Variants in PDE10A observed in about 807,000 individuals in gnomAD.
The protein encoded by PDE10A is cAMP and cAMP-inhibited cGMP 3',5'-cyclic phosphodiesterase 10A.
PDE10A carries 39 observed loss-of-function variants against 97.7 expected under a neutral mutation model. That is an observed-to-expected ratio of 0.40 (90% CI 0.31 to 0.52). The LOEUF is 0.52. Ranked by LOEUF, PDE10A falls within the 20% of genes least tolerant of loss-of-function variation. The probability of loss-of-function intolerance (pLI) is 0.56; values close to 1 mark genes in which losing one functional copy is unlikely to be tolerated. For missense variants in PDE10A, 731 were observed against 1,047.8 expected (o/e 0.70, Z 4.17); for synonymous variants, 371 against 376.8 (o/e 0.98, Z 0.18).
chr6:165,792,971 G>A (rs959117804), intron 1 of PDE10A, among the ~76,000 whole-genome samples: 1 of 152,154 alleles, frequency 6.6e-6, no homozygotes, highest in Non-Finnish European at 1.5e-5. Context: ...CTGGGGTGGG[G>A]GGTGGCTGTT....
chr6:165,621,034 A>AG (rs34205329), intron 1 of PDE10A, among the ~76,000 whole-genome samples: 4 of 150,772 alleles, frequency 2.7e-5, no homozygotes, highest in Non-Finnish European at 4.4e-5. Flanking sequence ...AAAAAAAAAA[A>AG]GGAAGAAAGA....
chr6:165,332,953 A>G lies in PDE10A; in HGVS notation c.*72T>C. On this transcript the variant is annotated 3_prime_UTR_variant, in exon 22 of 22. Transcript: ENST00000539869. ...TGCAGGTTCCCCCCACCCCCCCCAAAAAAAGGAAAAGAATGTCAAAGAAGC... is the reference window on the plus strand; with the variant it reads ...TGCAGGTTCCCCCCACCCCCCCCAAGAAAAGGAAAAGAATGTCAAAGAAGC... 1.4e-6 allele frequency: 1 copy of G among 713,064 alleles called. No homozygotes were observed. Among genetic ancestry groups the G allele is most frequent in the Non-Finnish European group, 2.4e-6 (1 of 418,308 alleles). The allele number at this position is 713,064 out of a possible 1,614,324, so 44.2% of individuals were successfully genotyped here.
chr6:165,488,277 A>C (rs1159602740), intron 2 of PDE10A, among the ~76,000 whole-genome samples: 1 of 152,182 alleles, frequency 6.6e-6, no homozygotes. Context: ...TTAGAGAAAG[A>C]TAAAGCATCT....
At chr6:165,901,492 C>T (rs577190404) in intron 1 of PDE10A, among the ~76,000 whole-genome samples, 1 of 152,326 alleles carries the variant, frequency 6.6e-6, no homozygotes, top group South Asian at 2.1e-4. Flanking sequence ...CATCTGGCTG[C>T]TCAGCCCTTA....
Position 165,619,644 on chromosome 6 carries a change from ATAGTC to A in PDE10A, c.865+42298_865+42302del, listed in dbSNP as rs1181316970. ...GTACTGTAGTATAGTGTAGTGTAGT[ATAGTC>A]TAGTGTAGTATAGTCTAGTGTAGTG... On this transcript the variant is annotated intron_variant, in intron 1 of 21. Transcript: ENST00000539869. 3.0e-4 allele frequency among the ~76,000 whole-genome samples: 28 copies of A among 94,654 alleles called. 1 individual carries two copies. Among genetic ancestry groups the A allele is most frequent in the African/African-American group, 1.5e-3 (28 of 19,250 alleles). The allele number at this position is 94,654 out of a possible 152,430, so 62.1% of individuals were successfully genotyped here.
At chr6:165,751,822 T>G (rs576605866) in intron 1 of PDE10A, among the ~76,000 whole-genome samples, 1 of 152,090 alleles carries the variant, frequency 6.6e-6, no homozygotes, top group Non-Finnish European at 1.5e-5. Context: ...CATGCACCTG[T>G]CCCTTAATTT....
At chr6:165,421,800 C>G (rs541945513) in intron 10 of PDE10A, among the ~76,000 whole-genome samples, 1 of 152,158 alleles carries the variant, frequency 6.6e-6, no homozygotes, top group African/African-American at 2.4e-5. Context: ...CAGGGGCTCA[C>G]GCTGTACTTC....
At chr6:165,725,425 A>G (rs1792268470) in intron 1 of PDE10A, among the ~76,000 whole-genome samples, 1 of 152,178 alleles carries the variant, frequency 6.6e-6, no homozygotes, top group African/African-American at 2.4e-5. Context: ...GCCCCCCACA[A>G]GCTGCCCGTC....
intron 1 of PDE10A, among the ~76,000 whole-genome samples, chr6:165,724,103 AC>A (rs1312466925): frequency 2.0e-5 from 3 of 152,122 alleles, no homozygotes; most frequent in African/African-American, 7.2e-5. Context: ...CATATAAATT[AC>A]CCCATTTGTG....
intron 1 of PDE10A, among the ~76,000 whole-genome samples, chr6:165,629,246 C>T (rs141478866): frequency 3.3e-5 from 5 of 152,284 alleles, no homozygotes; most frequent in South Asian, 4.1e-4. Flanking sequence ...ACACTCATTA[C>T]GCTTTCTTTG....
chr6:165,580,716 T>C (rs1391930310), intron 1 of PDE10A, among the ~76,000 whole-genome samples: 3 of 152,168 alleles, frequency 2.0e-5, no homozygotes, highest in Non-Finnish European at 4.4e-5. Context: ...AGAAAGAAGA[T>C]GGTAAGTGTC....
intron 18 of PDE10A, among the ~76,000 whole-genome samples, chr6:165,344,264 G>T (rs1341823602): frequency 6.6e-6 from 1 of 152,104 alleles, no homozygotes; most frequent in Non-Finnish European, 1.5e-5. Flanking sequence ...AATAGATTTG[G>T]TCTTGTGATA....
At chr6:165,403,255 T>C (rs1786816767) in intron 13 of PDE10A, among the ~76,000 whole-genome samples, 1 of 152,192 alleles carries the variant, frequency 6.6e-6, no homozygotes, top group South Asian at 2.1e-4. Flanking sequence ...TTGTTTGATT[T>C]TGGTGATAAT....
chr6:165,570,435 A>T (rs1027582929), intron 1 of PDE10A, among the ~76,000 whole-genome samples: 2 of 152,338 alleles, frequency 1.3e-5, no homozygotes, highest in African/African-American at 4.8e-5. Flanking sequence ...TACCAGGCCG[A>T]CAGTGATATT....
intron 1 of PDE10A, among the ~76,000 whole-genome samples, chr6:165,951,838 C>A (rs1783972828): frequency 6.6e-6 from 1 of 152,218 alleles, no homozygotes; most frequent in South Asian, 2.1e-4. Flanking sequence ...TCCATTTATT[C>A]ATTCAACAAG....
chr6:165,529,730 T>C (rs1462135750), intron 2 of PDE10A, among the ~76,000 whole-genome samples: 1 of 152,198 alleles, frequency 6.6e-6, no homozygotes, highest in Non-Finnish European at 1.5e-5. Flanking sequence ...TATGGAATAG[T>C]ATTTGGGTTG....
chr6:165,928,412 C>T (rs1213261486), intron 1 of PDE10A, among the ~76,000 whole-genome samples: 3 of 152,196 alleles, frequency 2.0e-5, no homozygotes, highest in Admixed American at 1.3e-4. Context: ...CTGCTGGACC[C>T]ACTCCAGGAT....
intron 11 of PDE10A, among the ~76,000 whole-genome samples, chr6:165,417,776 C>A (rs1159019402): frequency 2.0e-5 from 3 of 152,150 alleles, no homozygotes; most frequent in African/African-American, 7.2e-5. Context: ...GTGAGGCACA[C>A]CTTGAGTTTC....
chr6:165,385,736 A>G (rs1292418077), intron 17 of PDE10A, among the ~76,000 whole-genome samples: 1 of 152,184 alleles, frequency 6.6e-6, no homozygotes, highest in East Asian at 1.9e-4. Context: ...GAAGAGGAAG[A>G]CACTCTTCCC....
Sources: allele counts gnomAD v4.1 joint callset (sites outside exome capture counted in the v4.1 genomes callset), GRCh38; gene constraint gnomAD v4.1.1; transcripts MANE v1.5; gene names NCBI Gene and HGNC (gene_info 2026-07-23, HGNC 2026-07-21).